The following DNAH12 variants were observed in gnomAD, a reference collection of about 807,000 sequenced individuals.
The protein encoded by DNAH12 is dynein axonemal heavy chain 12.
Under a neutral mutation model 371.5 loss-of-function variants are expected in DNAH12, and 285 were observed. The ratio of observed to expected loss-of-function variants is 0.77; its 90% CI spans 0.70 to 0.85. The LOEUF is 0.85. DNAH12 is among the 40% of genes least tolerant of loss of function. DNAH12 has a pLI of 0.00. For missense variants in DNAH12, 3,611 were observed against 3,689.4 expected (o/e 0.98, Z 0.55); for synonymous variants, 1,200 against 1,213.0 (o/e 0.99, Z 0.22).
intron 69 of DNAH12, among the ~76,000 whole-genome samples, chr3:57,306,342 C>T (rs772955964): frequency 6.6e-6 from 1 of 152,134 alleles, no homozygotes; most frequent in Non-Finnish European, 1.5e-5. Flanking sequence ...GACGGCCAGG[C>T]TTCTAAACCT....
chr3:57,403,183 A>G, intron 43 of DNAH12, 126 bp downstream of exon 43: 1 of 943,526 alleles, frequency 1.1e-6, no homozygotes, highest in Non-Finnish European at 1.5e-6. Context: ...TAGATGCTCT[A>G]TGGACAGTAT....
intron 12 of DNAH12, among the ~76,000 whole-genome samples, chr3:57,487,369 GAAAGAA>G (rs1454634267): frequency 1.2e-4 from 5 of 41,704 alleles, no homozygotes; most frequent in Non-Finnish European, 1.5e-4. Context: ...GAAAGAGAAA[GAAAGAA>G]AAAAAAAAAG....
chr3:57,440,651 T>C (rs2065272738), intron 29 of DNAH12, among the ~76,000 whole-genome samples: 1 of 152,146 alleles, frequency 6.6e-6, no homozygotes, highest in Non-Finnish European at 1.5e-5. Context: ...GAAACAAACC[T>C]GCACATGTAC....
chr3:57,385,297 T>C (rs1429127563), intron 48 of DNAH12, 52 bp downstream of exon 48: 2 of 152,168 alleles, frequency 1.3e-5, no homozygotes, highest in East Asian at 1.9e-4. Context: ...TCAAGGCTAA[T>C]TTTACTTATT....
At chr3:57,389,830 A>ATG (rs2063575668) in intron 45 of DNAH12, among the ~76,000 whole-genome samples, 1 of 105,874 alleles carries the variant, frequency 9.4e-6, no homozygotes. Context: ...GTGTATATAT[A>ATG]TATATATATA....
chr3:57,330,950 G>C (rs1047731699), intron 62 of DNAH12, among the ~76,000 whole-genome samples: 2 of 152,124 alleles, frequency 1.3e-5, no homozygotes, highest in Non-Finnish European at 2.9e-5. Flanking sequence ...CTGGAGAACA[G>C]AGGGAAACAA....
At chr3:57,529,399 T>C (rs1306006495) in intron 2 of DNAH12, among the ~76,000 whole-genome samples, 1 of 152,204 alleles carries the variant, frequency 6.6e-6, no homozygotes, top group East Asian at 1.9e-4. Context: ...CGTTTTATTA[T>C]GGCTTCAATC....
intron 2 of DNAH12, chr3:57,536,319 A>G (rs1449643454): frequency 6.6e-6 from 1 of 152,110 alleles, no homozygotes; most frequent in Non-Finnish European, 1.5e-5. Context: ...TCTTCTCTGT[A>G]TTGTTCCAAT....
At chr3:57,442,986 T>A (rs1375820169) in intron 29 of DNAH12, among the ~76,000 whole-genome samples, 2 of 152,236 alleles carry the variant, frequency 1.3e-5, no homozygotes, top group African/African-American at 2.4e-5. Flanking sequence ...CTCAAGAGAA[T>A]CTTCACTGTA....
intron 37 of DNAH12, among the ~76,000 whole-genome samples, chr3:57,417,997 A>G (rs1464187465): frequency 6.6e-6 from 1 of 151,804 alleles, no homozygotes; most frequent in Non-Finnish European, 1.5e-5. Context: ...CTAAAAATAC[A>G]AAAAATTAGC....
chr3:57,365,547 T>A (rs1053745965), intron 57 of DNAH12, among the ~76,000 whole-genome samples: 14,453 of 152,010 alleles, frequency 0.095, 2,252 homozygotes, highest in African/African-American at 0.33. Context: ...GCGCAGCAAA[T>A]CACCATGGCA....
At chr3:57,535,393 AC>A (rs2068995793) in intron 2 of DNAH12, among the ~76,000 whole-genome samples, 1 of 152,198 alleles carries the variant, frequency 6.6e-6, no homozygotes, top group South Asian at 2.1e-4. Flanking sequence ...GCTCTCTCTG[AC>A]TGTCTTGCCC....
chr3:57,371,669 G>GCACACACACA (rs878975719), intron 55 of DNAH12, among the ~76,000 whole-genome samples: 1 of 147,258 alleles, frequency 6.8e-6, no homozygotes, highest in East Asian at 2.0e-4. Flanking sequence ...CTCAAAACAC[G>GCACACACACA]CACACACACA....
intron 62 of DNAH12, among the ~76,000 whole-genome samples, chr3:57,328,520 C>A (rs1433370371): frequency 7.1e-6 from 1 of 140,966 alleles, no homozygotes; most frequent in Non-Finnish European, 1.6e-5. Context: ...ACCCTTCATG[C>A]TAAAAACTCT....
At chr3:57,409,251 T>C (rs906851451) in intron 39 of DNAH12, among the ~76,000 whole-genome samples, 1 of 152,202 alleles carries the variant, frequency 6.6e-6, no homozygotes, top group African/African-American at 2.4e-5. Flanking sequence ...CTGAAGTTAC[T>C]GCACACACAG....
intron 11 of DNAH12, among the ~76,000 whole-genome samples, chr3:57,491,814 T>C (rs2067135473): frequency 6.6e-6 from 1 of 152,098 alleles, no homozygotes; most frequent in Non-Finnish European, 1.5e-5. Flanking sequence ...CCAGCCAGCT[T>C]GGGCAACATG....
chr3:57,489,188 G>C (rs2067034635), intron 12 of DNAH12, among the ~76,000 whole-genome samples: 1 of 152,078 alleles, frequency 6.6e-6, no homozygotes, highest in Non-Finnish European at 1.5e-5. Context: ...TAAATATTGA[G>C]GTCAGGGATG....
intron 35 of DNAH12, 92 bp from the exon 36 acceptor site, chr3:57,421,798 C>A: frequency 2.2e-6 from 3 of 1,375,076 alleles, no homozygotes; most frequent in Non-Finnish European, 3.0e-6. Flanking sequence ...TTAGGATATG[C>A]TCAACTTACT....
intron 34 of DNAH12, among the ~76,000 whole-genome samples, chr3:57,427,767 C>A (rs927068303): frequency 2.0e-5 from 3 of 151,986 alleles, no homozygotes; most frequent in Non-Finnish European, 2.9e-5. Flanking sequence ...TAGCCACAAG[C>A]CAAGGAACAC....
Sources: allele counts gnomAD v4.1 joint callset (sites outside exome capture counted in the v4.1 genomes callset), GRCh38; gene constraint gnomAD v4.1.1; transcripts MANE v1.5; gene names NCBI Gene and HGNC (gene_info 2026-07-23, HGNC 2026-07-21).